PUDP: variants seen among roughly 807,000 people sequenced by gnomAD.
The protein encoded by PUDP is pseudouridine 5'-phosphatase.
In PUDP, 8 loss-of-function variants were observed where a neutral mutation model predicts 9.4. The observed-to-expected ratio is 0.85, with a 90% CI of 0.50 to 1.53. PUDP has a LOEUF of 1.53. PUDP is among the 40% of genes most tolerant of loss of function. The probability of loss-of-function intolerance (pLI) is 0.00; values close to 1 mark genes in which losing one functional copy is unlikely to be tolerated. For synonymous variants in PUDP, 99 were observed against 80.7 expected (o/e 1.23, Z -1.22); for missense variants, 188 against 189.7 (o/e 0.99, Z 0.05).
intron 3 of PUDP, among the ~76,000 whole-genome samples, chrX:7,056,330 A>G (rs773710171): frequency 2.2e-4 from 24 of 111,551 alleles, no homozygotes; most frequent in African/African-American, 7.8e-4. Flanking sequence ...ACCTTCAGTG[A>G]AGCCGGAGAA....
rs771077131 is a variant in PUDP, at chrX:7,030,136, CA to C, written c.204+47083del. Among the ~76,000 whole-genome samples the C allele has an allele frequency of 3.9e-3, 434 of 110,576 alleles. 3 individuals are homozygous for C. Among genetic ancestry groups the C allele is most frequent in the African/African-American group, 0.014 (420 of 30,353 alleles). ...ACTGGCTATTTCTATCTTTCCTTCT[CA>C]TTTTACTCTGCTATAGGAATCTAAG... On this transcript the variant is annotated intron_variant and NMD_transcript_variant, in intron 1 of 3. Coordinates refer to the PUDP transcript ENST00000655425.
chrX:6,786,236 T>C (rs1313547424), intron 3 of PUDP, among the ~76,000 whole-genome samples: 2 of 111,654 alleles, frequency 1.8e-5, no homozygotes, highest in African/African-American at 6.5e-5. Context: ...AGAAGTGGGA[T>C]AGACATACTC....
At chrX:6,969,420 T>C (rs939029870) in intron 3 of PUDP, among the ~76,000 whole-genome samples, 1 of 112,077 alleles carries the variant, frequency 8.9e-6, no homozygotes, top group Non-Finnish European at 1.9e-5. Flanking sequence ...CATCAGGCCC[T>C]GCTGTAGGAA....
chrX:6,734,366 A>G (rs1412878896), intron 3 of PUDP, among the ~76,000 whole-genome samples: 1 of 112,475 alleles, frequency 8.9e-6, no homozygotes, highest in Non-Finnish European at 1.9e-5. Context: ...ACCAAAAATG[A>G]TAAGTAAATG....
intron 3 of PUDP, among the ~76,000 whole-genome samples, chrX:6,727,324 A>C (rs1412911520): frequency 8.9e-6 from 1 of 112,047 alleles, no homozygotes; most frequent in African/African-American, 3.2e-5. Context: ...AGAATCTTAG[A>C]AGTACTTAAT....
At chrX:7,060,710 A>G (rs1021858170) in intron 3 of PUDP, among the ~76,000 whole-genome samples, 13 of 112,750 alleles carry the variant, frequency 1.2e-4, no homozygotes, top group African/African-American at 4.2e-4. Flanking sequence ...AATGCAATTC[A>G]TTTGCCTTGT....
chrX:6,922,917 C>T (rs777895237), intron 3 of PUDP, among the ~76,000 whole-genome samples: 4 of 112,339 alleles, frequency 3.6e-5, no homozygotes, highest in Non-Finnish European at 5.6e-5. Context: ...TCACATGCTT[C>T]TGTTCTTGCC....
At chrX:7,006,209 C>T (rs1008321737) in intron 1 of PUDP, among the ~76,000 whole-genome samples, 15 of 111,815 alleles carry the variant, frequency 1.3e-4, no homozygotes, top group African/African-American at 3.9e-4. Context: ...AGTGGAATGG[C>T]CAAGTCATAC....
chrX:6,724,293 AC>A (rs1367084372), upstream of PUDP, among the ~76,000 whole-genome samples: 1 of 111,092 alleles, frequency 9.0e-6, no homozygotes, highest in Non-Finnish European at 1.9e-5. Flanking sequence ...ATAAATTCAA[AC>A]CCTGAAAGGT....
At position 6,857,768 on chromosome X, in the gene PUDP, A is replaced by G. The variant is rs114816548; in HGVS notation, c.*247+119365T>C. On this transcript the variant is annotated intron_variant and NMD_transcript_variant, in intron 3 of 3. Transcript: ENST00000655425. Reference sequence around the variant, plus strand: ...GGGGATTTAAAAATGAGATGTAAATATGTCTCTTGGTCTTCTATGCCCTCC... The same window carrying G: ...GGGGATTTAAAAATGAGATGTAAATGTGTCTCTTGGTCTTCTATGCCCTCC... Among the ~76,000 whole-genome samples, 454 of 111,395 alleles carry G rather than the reference A, an allele frequency of 4.1e-3. 4 individuals carry two copies. The highest frequency in any genetic ancestry group is 0.014 in the African/African-American group (440 of 30,668).
chrX:7,005,805 G>C, intron 1 of PUDP, among the ~76,000 whole-genome samples: 1 of 111,000 alleles, frequency 9.0e-6, no homozygotes, highest in Non-Finnish European at 1.9e-5. Flanking sequence ...TCTTGCAACA[G>C]GGAAAATTCA....
intron 3 of PUDP, among the ~76,000 whole-genome samples, chrX:6,936,747 GC>G (rs1928308944): frequency 1.2e-5 from 1 of 83,724 alleles, no homozygotes; most frequent in African/African-American, 4.5e-5. Flanking sequence ...CATTGTCTCA[GC>G]CCAAAATCTC....
At chrX:7,002,425 C>G (rs963422036) in intron 1 of PUDP, among the ~76,000 whole-genome samples, 2 of 111,865 alleles carry the variant, frequency 1.8e-5, no homozygotes, top group East Asian at 5.7e-4. Flanking sequence ...TTTTCACCGA[C>G]TTTGAGAATA....
intron 3 of PUDP, among the ~76,000 whole-genome samples, chrX:6,875,982 C>G (rs1034413097): frequency 4.5e-5 from 5 of 112,032 alleles, no homozygotes; most frequent in African/African-American, 1.6e-4. Context: ...CATTTTAATC[C>G]ATCTGCCTTT....
intron 1 of PUDP, among the ~76,000 whole-genome samples, chrX:7,112,648 A>C (rs1203414757): frequency 8.9e-6 from 1 of 112,056 alleles, no homozygotes; most frequent in Non-Finnish European, 1.9e-5. Flanking sequence ...TGAAGATGTT[A>C]GCTGACTGTG....
At chrX:6,932,178 A>G (rs1470499221) in intron 3 of PUDP, among the ~76,000 whole-genome samples, 1 of 111,173 alleles carries the variant, frequency 9.0e-6, no homozygotes, top group Non-Finnish European at 1.9e-5. Context: ...TTTTTAACAC[A>G]GTTAAAAAGC....
At chrX:6,988,861 C>G (rs991927831) in intron 1 of PUDP, among the ~76,000 whole-genome samples, 2 of 111,307 alleles carry the variant, frequency 1.8e-5, no homozygotes, top group Non-Finnish European at 3.8e-5. Flanking sequence ...TACATTCCAG[C>G]CTTTGTATAA....
intron 3 of PUDP, among the ~76,000 whole-genome samples, chrX:6,852,434 C>T (rs757387134): frequency 1.8e-4 from 20 of 112,119 alleles, no homozygotes; most frequent in African/African-American, 5.8e-4. Flanking sequence ...AGCCAACCTA[C>T]AGCACTTGGG....
chrX:6,763,260 G>A (rs1194319936), intron 3 of PUDP, among the ~76,000 whole-genome samples: 2 of 111,012 alleles, frequency 1.8e-5, no homozygotes, highest in Admixed American at 9.6e-5. Flanking sequence ...GTGGTGATGT[G>A]TGCCTGTGGT....
Sources: allele counts gnomAD v4.1 joint callset (sites outside exome capture counted in the v4.1 genomes callset), GRCh38; gene constraint gnomAD v4.1.1; transcripts MANE v1.5; gene names NCBI Gene and HGNC (gene_info 2026-07-23, HGNC 2026-07-21).